BLTP1: variants seen among roughly 807,000 people sequenced by gnomAD.
The protein encoded by BLTP1 is fragile site-associated protein.
chr4:122,268,189 A>T, the BLTP1 span, among the ~76,000 whole-genome samples: 4 of 151,272 alleles, frequency 2.6e-5, no homozygotes, highest in East Asian at 5.8e-4. Flanking sequence ...ATAGGGAAAT[A>T]AAAAAAAGTA....
the BLTP1 span, chr4:122,289,612 A>G: frequency 1.0e-6 from 1 of 985,408 alleles, no homozygotes; most frequent in Non-Finnish European, 1.2e-6. Flanking sequence ...CTGTTCCTCA[A>G]GAATAGCTTA....
At chr4:122,343,923 TACAACAAAC>T in the BLTP1 span, 1 of 898,538 alleles carries the variant, frequency 1.1e-6, no homozygotes, top group Non-Finnish European at 1.3e-6. Context: ...TGTCCATTTA[TACAACAAAC>T]TGCGTAGAAA....
chr4:122,191,459 A>G, the BLTP1 span, among the ~76,000 whole-genome samples: 1 of 152,146 alleles, frequency 6.6e-6, no homozygotes. Flanking sequence ...ATGTTTTTAA[A>G]TGTTTAATAA....
At chr4:122,184,934 A>T in the BLTP1 span, 3 of 984,406 alleles carry the variant, frequency 3.0e-6, no homozygotes, top group Non-Finnish European at 3.6e-6. Context: ...ATTCCTACAG[A>T]TGCCAAATAC....
chr4:122,226,428 G>A, the BLTP1 span: 1 of 1,183,670 alleles, frequency 8.4e-7, no homozygotes, highest in Non-Finnish European at 1.0e-6. Flanking sequence ...TGAATAAAAG[G>A]ATTTGCGTTA....
chr4:122,244,349 G>A, the BLTP1 span, among the ~76,000 whole-genome samples: 87 of 152,158 alleles, frequency 5.7e-4, 1 homozygote, highest in African/African-American at 2.0e-3. Context: ...AGTTGGTCCT[G>A]TGGAACCCGC....
the BLTP1 span, among the ~76,000 whole-genome samples, chr4:122,277,967 A>G: frequency 2.6e-5 from 4 of 152,280 alleles, 1 homozygote; most frequent in South Asian, 8.3e-4. Flanking sequence ...TTTTACTTAC[A>G]TGTGAGAATA....
At chr4:122,164,266 G>A in the BLTP1 span, among the ~76,000 whole-genome samples, 2 of 152,118 alleles carry the variant, frequency 1.3e-5, no homozygotes, top group African/African-American at 4.8e-5. Flanking sequence ...GTGTGCTTAG[G>A]CAAAAAAAGC....
At chr4:122,356,364 A>C in the BLTP1 span, among the ~76,000 whole-genome samples, 1 of 152,208 alleles carries the variant, frequency 6.6e-6, no homozygotes, top group Non-Finnish European at 1.5e-5. Context: ...TGGGGTTCTA[A>C]AACCAGTAAG....
At chr4:122,289,078 G>C in the BLTP1 span, 1 of 1,605,262 alleles carries the variant, frequency 6.2e-7, no homozygotes, top group Non-Finnish European at 8.5e-7. Flanking sequence ...ATATGATTTT[G>C]TCTGGCAGGT....
At chr4:122,359,646 G>C in the BLTP1 span, 1 of 1,612,768 alleles carries the variant, frequency 6.2e-7, no homozygotes. Context: ...TAAAGATAGA[G>C]AAGATAGCAT....
the BLTP1 span, chr4:122,247,693 A>G: frequency 9.6e-7 from 1 of 1,041,844 alleles, no homozygotes; most frequent in Non-Finnish European, 1.2e-6. Context: ...AGTCTTTCTT[A>G]TTTTTTAAGT....
chr4:122,210,350 C>T, the BLTP1 span, among the ~76,000 whole-genome samples: 10 of 152,186 alleles, frequency 6.6e-5, no homozygotes, highest in Admixed American at 5.9e-4. Context: ...TGCATTTTGA[C>T]AGTTCTCATA....
At chr4:122,289,681 G>A in the BLTP1 span, 2 of 967,954 alleles carry the variant, frequency 2.1e-6, no homozygotes, top group Non-Finnish European at 2.5e-6. Flanking sequence ...GGGAATTAGG[G>A]TGAAAAGTTG....
chr4:122,324,382 A>G, the BLTP1 span: 2 of 1,566,138 alleles, frequency 1.3e-6, no homozygotes, highest in Admixed American at 3.6e-5. Flanking sequence ...CAAATACAGT[A>G]AATAATCACC....
At chr4:122,223,106 T>C in the BLTP1 span, 2 of 925,442 alleles carry the variant, frequency 2.2e-6, no homozygotes, top group Non-Finnish European at 2.6e-6. Context: ...AGAAGTCAGG[T>C]GATTTTATAT....
At chr4:122,240,209 G>A in the BLTP1 span, 1 of 1,614,150 alleles carries the variant, frequency 6.2e-7, no homozygotes, top group Non-Finnish European at 8.5e-7. Context: ...ACCTTACTCA[G>A]TTCCAGGTAA....
chr4:122,190,071 A>G, the BLTP1 span: 1 of 1,612,802 alleles, frequency 6.2e-7, no homozygotes, highest in Non-Finnish European at 8.5e-7. Flanking sequence ...TACTACATGG[A>G]TGAGCCAGGT....
the BLTP1 span, chr4:122,183,062 G>A: frequency 1.0e-6 from 1 of 978,536 alleles, no homozygotes; most frequent in African/African-American, 1.8e-5. Flanking sequence ...TGGGTTGGTT[G>A]CAGTAGCTCA....
Sources: allele counts gnomAD v4.1 joint callset (sites outside exome capture counted in the v4.1 genomes callset), GRCh38; gene constraint gnomAD v4.1.1; transcripts MANE v1.5; gene names NCBI Gene and HGNC (gene_info 2026-07-23, HGNC 2026-07-21).